The following ESR1 variants were observed in gnomAD, a reference collection of about 807,000 sequenced individuals.
ESR1 encodes estrogen receptor 1.
ESR1 carries 12 observed loss-of-function variants against 52.7 expected under a neutral mutation model. The observed-to-expected ratio is 0.23, with a 90% CI of 0.15 to 0.37. The LOEUF is 0.37. Among genes scored for constraint, ESR1 ranks in the 10% least tolerant of loss-of-function variants. The pLI is 1.00. For synonymous variants in ESR1, 305 were observed against 316.8 expected (o/e 0.96, Z 0.39); for missense variants, 584 against 779.7 (o/e 0.75, Z 2.99).
At chr6:152,010,837 C>T (rs976575145) in intron 4 of ESR1, among the ~76,000 whole-genome samples, 2 of 151,962 alleles carry the variant, frequency 1.3e-5, no homozygotes, top group African/African-American at 2.4e-5. Context: ...GCTTCTTACC[C>T]GTAGTAAGGG....
intron 6 of ESR1, among the ~76,000 whole-genome samples, chr6:152,109,615 G>A (rs897258634): frequency 1.3e-5 from 2 of 152,218 alleles, no homozygotes; most frequent in Admixed American, 6.5e-5. Context: ...GAATCCAGGA[G>A]GTGGAGTTTG....
At chr6:152,021,077 A>G (rs908418758) in intron 5 of ESR1, among the ~76,000 whole-genome samples, 9 of 152,194 alleles carry the variant, frequency 5.9e-5, no homozygotes, top group African/African-American at 2.2e-4. Context: ...GATACAAAGT[A>G]TTAATCCTGG....
At position 152,061,354 on chromosome 6, in the gene ESR1, G is replaced by A. The variant is rs143995750; in HGVS notation, c.1369+230G>A. On this transcript the variant is annotated intron_variant, in intron 6 of 7. Transcript: ENST00000206249. This position sits in a 1 kb window ranked among gnomAD's most constrained non-coding sequence, Gnocchi z 4.3. ...TTTGGCATTGAATCAAATGGCCTTT[G>A]AGCTAAAATTTTTGTATGCTTTCAC... 2.5e-3 allele frequency among the ~76,000 whole-genome samples: 385 copies of A among 152,254 alleles called. 3 individuals carry two copies. The highest frequency in any genetic ancestry group is 8.9e-3 in the African/African-American group (368 of 41,556).
At chr6:151,907,621 AG>A (rs1743155875) in intron 3 of ESR1, among the ~76,000 whole-genome samples, 1 of 152,130 alleles carries the variant, frequency 6.6e-6, no homozygotes, top group African/African-American at 2.4e-5. Flanking sequence ...TTAATATTCC[AG>A]CATGGACATA....
chr6:151,786,679 T>A (rs1787056802), intron 2 of ESR1, among the ~76,000 whole-genome samples: 1 of 151,872 alleles, frequency 6.6e-6, no homozygotes, highest in Admixed American at 6.6e-5. Flanking sequence ...TTAAGACTTT[T>A]TTTTTTTTTC....
At chr6:151,807,353 C>T (rs1778032484), upstream of ESR1, 2 of 195,008 alleles carry the variant, frequency 1.0e-5, no homozygotes, top group Admixed American at 1.1e-4. Flanking sequence ...TGGCACGGGG[C>T]ACATAAGGCA....
At chr6:151,978,148 C>A (rs2039640087) in intron 4 of ESR1, among the ~76,000 whole-genome samples, 1 of 151,810 alleles carries the variant, frequency 6.6e-6, no homozygotes, top group Non-Finnish European at 1.5e-5. Context: ...ACAAAGTCAA[C>A]AGCTGAAAAA....
At chr6:151,784,474 A>G (rs1786831586) in intron 2 of ESR1, among the ~76,000 whole-genome samples, 1 of 152,152 alleles carries the variant, frequency 6.6e-6, no homozygotes, top group South Asian at 2.1e-4. Context: ...ATATTTTTAA[A>G]TTTTCCTTAA....
chr6:151,753,466 T>C (rs1249157070), intron 2 of ESR1, among the ~76,000 whole-genome samples: 1 of 152,076 alleles, frequency 6.6e-6, no homozygotes, highest in African/African-American at 2.4e-5. Context: ...TACAGGTGCA[T>C]GCCACCACTC....
chr6:151,833,189 A>G (rs949555556), intron 1 of ESR1, among the ~76,000 whole-genome samples: 17 of 152,240 alleles, frequency 1.1e-4, no homozygotes, highest in African/African-American at 3.1e-4. Context: ...TAACCATCAC[A>G]GGGAAGGGTA....
chr6:151,947,039 C>G (rs898640709), intron 4 of ESR1, among the ~76,000 whole-genome samples: 1 of 152,094 alleles, frequency 6.6e-6, no homozygotes, highest in Non-Finnish European at 1.5e-5. Flanking sequence ...GGAAATAAGC[C>G]GGGCACAGTG....
chr6:152,071,359 T>G (rs1293053336), intron 6 of ESR1, among the ~76,000 whole-genome samples: 5 of 152,194 alleles, frequency 3.3e-5, no homozygotes. Context: ...GCCAACCATG[T>G]TGATGTTCTG....
At chr6:151,842,483 A>G in intron 1 of ESR1, 114 bp from the exon 2 acceptor site, 1 of 959,630 alleles carries the variant, frequency 1.0e-6, no homozygotes, top group South Asian at 1.4e-5. Context: ...AGATTAGCTT[A>G]CATTATGATT....
intron 7 of ESR1, among the ~76,000 whole-genome samples, chr6:152,095,911 G>A (rs7769444): frequency 3.3e-5 from 5 of 152,124 alleles, no homozygotes; most frequent in African/African-American, 7.3e-5. Flanking sequence ...AATGTTTTCT[G>A]TAAGAGCTAA....
At chr6:152,001,874 A>C (rs1447935947) in intron 4 of ESR1, among the ~76,000 whole-genome samples, 2 of 151,972 alleles carry the variant, frequency 1.3e-5, no homozygotes, top group Non-Finnish European at 2.9e-5. Flanking sequence ...GGAAGGGAGA[A>C]GTCTTTTCTG....
At position 152,115,089 on chromosome 6, in the gene ESR1, C is replaced by A. The variant is rs6903345; in HGVS notation, c.851-10177C>A. Among the ~76,000 whole-genome samples the A allele has an allele frequency of 2.9e-3, 441 of 151,404 alleles. 3 individuals are homozygous for A. Among genetic ancestry groups the A allele is most frequent in the Admixed American group, 5.6e-3 (85 of 15,148 alleles). ...CTCTGACTGCAGTCAAAATGTCAAG[C>A]CTTATATTTCACATGTCTCTCCAAA... is the stretch of plus-strand genomic sequence containing the variant. On this transcript the variant is annotated intron_variant, in intron 6 of 6. Transcript: ENST00000427531.
At chr6:151,727,644 C>T (rs757997573) in intron 2 of ESR1, among the ~76,000 whole-genome samples, 1 of 152,148 alleles carries the variant, frequency 6.6e-6, no homozygotes, top group Non-Finnish European at 1.5e-5. Context: ...TACGGTTTGT[C>T]TATATTCCCA....
Position 151,854,339 on chromosome 6 carries a change from A to AT in ESR1, c.643+11561dup, listed in dbSNP as rs927659313. 8.0e-4 allele frequency among the ~76,000 whole-genome samples: 122 copies of AT among 151,638 alleles called. 1 individual carries two copies. Among genetic ancestry groups the AT allele is most frequent in the African/African-American group, 2.4e-3 (99 of 41,382 alleles). ...ACGTGTGGGTTAGAGAGCAGATTTG[A>AT]TTTTTTTTTAAGCGAAAGATATGGC... On this transcript the variant is annotated intron_variant, in intron 2 of 7. Transcript: ENST00000206249.
chr6:152,036,141 C>A (rs1233269181), intron 5 of ESR1, among the ~76,000 whole-genome samples: 10 of 151,964 alleles, frequency 6.6e-5, no homozygotes, highest in African/African-American at 2.4e-4. Flanking sequence ...GCAGGCAGAT[C>A]ACGAGGTCAG....
Sources: gnomAD v4.1 joint callset for allele counts (sites outside exome capture counted in the v4.1 genomes callset) on GRCh38, gnomAD v4.1.1 for gene constraint, Gnocchi (gnomAD v3.1) non-coding constraint, MANE v1.5 for transcripts, NCBI Gene and HGNC (gene_info 2026-07-23, HGNC 2026-07-21) for gene names.